BCAR3: variants seen among roughly 807,000 people sequenced by gnomAD.
BCAR3 encodes the protein breast cancer anti-estrogen resistance protein 3.
In BCAR3, 37 loss-of-function variants were observed where a neutral mutation model predicts 80.1. The observed-to-expected ratio is 0.46, with a 90% CI of 0.36 to 0.61. The LOEUF (loss-of-function observed/expected upper bound fraction) is 0.61, where lower values mean the gene tolerates loss of function less well. BCAR3 is among the 20% of genes least tolerant of loss of function. BCAR3 has a pLI of 0.00. For missense variants in BCAR3, 978 were observed against 1,068.2 expected (o/e 0.92, Z 1.18); for synonymous variants, 389 against 418.9 (o/e 0.93, Z 0.87).
intron 3 of BCAR3, among the ~76,000 whole-genome samples, chr1:93,617,629 C>T (rs1373567362): frequency 6.6e-6 from 1 of 152,214 alleles, no homozygotes; most frequent in Non-Finnish European, 1.5e-5. Flanking sequence ...TACTCCCTCT[C>T]CCCTAAAGAT....
At chr1:93,580,242 G>A (rs1228087311) in intron 7 of BCAR3, among the ~76,000 whole-genome samples, 1 of 152,176 alleles carries the variant, frequency 6.6e-6, no homozygotes, top group Non-Finnish European at 1.5e-5. Flanking sequence ...CTGCAGGAGT[G>A]TTCTGAGACT....
At chr1:93,601,122 C>G (rs1224132995) in intron 3 of BCAR3, among the ~76,000 whole-genome samples, 2 of 152,164 alleles carry the variant, frequency 1.3e-5, no homozygotes, top group Non-Finnish European at 2.9e-5. Flanking sequence ...ACTATAGGAC[C>G]TGATGCAGGT....
At chr1:93,670,690 T>C (rs757578931) in intron 2 of BCAR3, among the ~76,000 whole-genome samples, 2 of 152,208 alleles carry the variant, frequency 1.3e-5, no homozygotes, top group Non-Finnish European at 2.9e-5. Context: ...ATGTTCATAA[T>C]GAAATCTGCT....
intron 11 of BCAR3, 56 bp from the exon 12 acceptor site, chr1:93,562,475 A>C: frequency 6.4e-7 from 1 of 1,556,662 alleles, no homozygotes; most frequent in Non-Finnish European, 8.8e-7. Flanking sequence ...ATGTGTTAAA[A>C]ATAGACTGAA....
chr1:93,687,101 G>A (rs1161343437), intron 3 of BCAR3, among the ~76,000 whole-genome samples: 2 of 151,960 alleles, frequency 1.3e-5, no homozygotes, highest in African/African-American at 2.4e-5. Flanking sequence ...CCTTTGTTTT[G>A]TTCTTAGTTT....
At chr1:93,575,879 T>A in intron 8 of BCAR3, 135 bp downstream of exon 8, 1 of 659,422 alleles carries the variant, frequency 1.5e-6, no homozygotes. Context: ...GAAGAGTCGC[T>A]GTAGGCCATG....
intron 1 of BCAR3, chr1:93,681,287 G>C (rs919553870): frequency 2.0e-5 from 3 of 152,082 alleles, no homozygotes; most frequent in African/African-American, 7.2e-5. Context: ...GATGCCGCTC[G>C]AGTGCCACCG....
intron 6 of BCAR3, among the ~76,000 whole-genome samples, chr1:93,583,156 G>A (rs1673789076): frequency 6.6e-6 from 1 of 152,194 alleles, no homozygotes; most frequent in African/African-American, 2.4e-5. Flanking sequence ...GGCTGGGCTT[G>A]CCCCATCCCA....
intron 2 of BCAR3, among the ~76,000 whole-genome samples, chr1:93,836,404 G>A (rs867306966): frequency 6.6e-5 from 10 of 151,430 alleles, no homozygotes; most frequent in African/African-American, 1.5e-4. Flanking sequence ...TTTGGACCTC[G>A]TGTCTTCCAT....
chr1:93,695,936 C>T (rs1174236641), intron 3 of BCAR3, among the ~76,000 whole-genome samples: 1 of 152,188 alleles, frequency 6.6e-6, no homozygotes, highest in Non-Finnish European at 1.5e-5. Context: ...TGTCCTCTTT[C>T]CCCAACCACC....
intron 2 of BCAR3, among the ~76,000 whole-genome samples, chr1:93,842,364 C>T (rs987907958): frequency 3.9e-5 from 6 of 152,054 alleles, no homozygotes; most frequent in African/African-American, 1.2e-4. Context: ...GTTGGCCAGG[C>T]TGGTCTCGAC....
At chr1:93,685,758 A>T (rs1188750634), upstream of BCAR3, among the ~76,000 whole-genome samples, 2 of 152,216 alleles carry the variant, frequency 1.3e-5, no homozygotes, top group Admixed American at 6.5e-5. Context: ...ATGTAAGAAA[A>T]TGCCTATTTC....
At chr1:93,694,348 G>A (rs34726063) in intron 3 of BCAR3, among the ~76,000 whole-genome samples, 14,283 of 152,126 alleles carry the variant, frequency 0.094, 786 homozygotes, top group Non-Finnish European at 0.13. Flanking sequence ...AGGGACTGAC[G>A]CCCTCCCAGC....
chr1:93,840,085 G>A (rs12144176), intron 2 of BCAR3, among the ~76,000 whole-genome samples: 15,070 of 152,128 alleles, frequency 0.099, 941 homozygotes, highest in East Asian at 0.18. Flanking sequence ...TGATGCCAGG[G>A]TCCCATCCCC....
chr1:93,838,566 C>T (rs1266781882), intron 2 of BCAR3, among the ~76,000 whole-genome samples: 1 of 152,200 alleles, frequency 6.6e-6, no homozygotes, highest in Admixed American at 6.5e-5. Flanking sequence ...CAAACCATAG[C>T]ACCTCTCCAT....
At chr1:93,609,768 C>T (rs1055564155) in intron 3 of BCAR3, among the ~76,000 whole-genome samples, 7 of 152,164 alleles carry the variant, frequency 4.6e-5, no homozygotes, top group African/African-American at 9.7e-5. Flanking sequence ...CTGCCCACAC[C>T]GGGGTACTCC....
chr1:93,643,624 T>C (rs1259675678), intron 2 of BCAR3, among the ~76,000 whole-genome samples: 3 of 140,840 alleles, frequency 2.1e-5, no homozygotes, highest in South Asian at 2.3e-4. Flanking sequence ...GTTATGGGGA[T>C]GGGGGCAGAA....
chr1:93,624,233 T>C (rs572754402), intron 3 of BCAR3, among the ~76,000 whole-genome samples: 2 of 152,340 alleles, frequency 1.3e-5, no homozygotes, highest in African/African-American at 4.8e-5. Flanking sequence ...TTTTCTGCTA[T>C]GTGGAAGGCC....
intron 3 of BCAR3, among the ~76,000 whole-genome samples, chr1:93,597,005 G>C (rs945506298): frequency 4.6e-5 from 7 of 152,154 alleles, no homozygotes; most frequent in Admixed American, 4.6e-4. Context: ...CTACAACCAT[G>C]ATGAGACCAC....
Sources: gnomAD v4.1 joint callset for allele counts (sites outside exome capture counted in the v4.1 genomes callset) on GRCh38, gnomAD v4.1.1 for gene constraint, MANE v1.5 for transcripts, NCBI Gene and HGNC (gene_info 2026-07-23, HGNC 2026-07-21) for gene names.